The following SATB2 variants were observed in gnomAD, a reference collection of about 807,000 sequenced individuals.
The protein encoded by SATB2 is SATB homeobox 2.
SATB2 carries 1 observed loss-of-function variant against 73.4 expected under a neutral mutation model. That is an observed-to-expected ratio of 0.01 (90% confidence interval 0.00 to 0.06). SATB2 has a LOEUF of 0.06. SATB2 is among the 10% of genes least tolerant of loss of function. The probability of loss-of-function intolerance (pLI) is 1.00; values close to 1 mark genes in which losing one functional copy is unlikely to be tolerated. For synonymous variants in SATB2, 397 were observed against 367.0 expected (o/e 1.08, Z -0.93); for missense variants, 459 against 945.8 (o/e 0.49, Z 6.75).
intron 2 of SATB2, among the ~76,000 whole-genome samples, chr2:199,440,425 T>C (rs1310790771): frequency 6.6e-6 from 1 of 152,232 alleles, no homozygotes; most frequent in Non-Finnish European, 1.5e-5. Context: ...AGTGTTCTCC[T>C]TAATCTCCTC....
intron 9 of SATB2, among the ~76,000 whole-genome samples, chr2:199,313,729 G>T (rs1687655787): frequency 1.3e-5 from 2 of 152,132 alleles, no homozygotes; most frequent in African/African-American, 2.4e-5. Context: ...ATTCTTTCTG[G>T]AAGATGAATA....
intron 3 of SATB2, among the ~76,000 whole-genome samples, chr2:199,389,356 G>T (rs973066077): frequency 1.3e-5 from 2 of 151,738 alleles, no homozygotes; most frequent in Admixed American, 1.3e-4. Flanking sequence ...TTGCATTGGG[G>T]TAAAAGTAAG....
At chr2:199,458,507 G>T (rs1293964890), upstream of SATB2, 1 of 377,000 alleles carries the variant, frequency 2.7e-6, no homozygotes, top group Admixed American at 3.2e-5. Flanking sequence ...GGCGCAGGCG[G>T]GCACCGGGGC....
rs2105704802 is a variant in SATB2 at position 199,271,483 on chromosome 2, T to C, written c.*728A>G. 6.6e-6 allele frequency: 1 copy of C among 152,330 alleles called. No homozygotes were observed. Among genetic ancestry groups the C allele is most frequent in the South Asian group, 2.1e-4 (1 of 4,804 alleles). The allele number at this position is 152,330 out of a possible 1,614,324, so 9.4% of individuals were successfully genotyped here. ...TGTTTTCACTTCACTTTTTTTTTTTTCGGCAGTGTCGTTTATTTTGTTAAA... is the reference window on the plus strand; with the variant it reads ...TGTTTTCACTTCACTTTTTTTTTTTCCGGCAGTGTCGTTTATTTTGTTAAA... On this transcript the variant is annotated 3_prime_UTR_variant, in exon 11 of 11. Transcript: ENST00000417098.
At chr2:199,297,767 AG>A (rs1400027163) in intron 10 of SATB2, among the ~76,000 whole-genome samples, 1 of 150,588 alleles carries the variant, frequency 6.6e-6, no homozygotes, top group African/African-American at 2.4e-5. Context: ...GATGATACAG[AG>A]GCTGAAGTAG....
intron 10 of SATB2, among the ~76,000 whole-genome samples, chr2:199,289,893 G>A (rs1231881783): frequency 6.6e-6 from 1 of 152,146 alleles, no homozygotes; most frequent in Non-Finnish European, 1.5e-5. Flanking sequence ...TCCCATTGCT[G>A]TAATTCAGAC....
intron 10 of SATB2, among the ~76,000 whole-genome samples, chr2:199,304,492 G>A (rs959763367): frequency 6.6e-6 from 1 of 152,056 alleles, no homozygotes; most frequent in African/African-American, 2.4e-5. Flanking sequence ...GAAGGTTTTT[G>A]GGGCATTTTT....
chr2:199,296,823 T>C (rs1391059995), intron 10 of SATB2, among the ~76,000 whole-genome samples: 5 of 152,210 alleles, frequency 3.3e-5, no homozygotes, highest in African/African-American at 1.2e-4. Context: ...CCCTTTTCTT[T>C]ACCATGTCAT....
At chr2:199,381,860 A>G in intron 3 of SATB2, 40 bp from the exon 4 acceptor site, 1 of 1,608,628 alleles carries the variant, frequency 6.2e-7, no homozygotes, top group Non-Finnish European at 8.5e-7. Flanking sequence ...CATATCTGCT[A>G]TTTATTAAAC....
chr2:199,368,761 G>C, intron 5 of SATB2, 54 bp from the exon 6 acceptor site: 1 of 1,050,448 alleles, frequency 9.5e-7, no homozygotes, highest in Non-Finnish European at 1.5e-6. Context: ...TCTTTTTAGG[G>C]ACAAGAAAGA....
chr2:199,334,453 AT>A (rs1414365348), intron 7 of SATB2, among the ~76,000 whole-genome samples: 2 of 152,082 alleles, frequency 1.3e-5, no homozygotes, highest in Non-Finnish European at 2.9e-5. Context: ...ACATCCTCCC[AT>A]TTTACAGATT....
intron 6 of SATB2, among the ~76,000 whole-genome samples, chr2:199,368,249 C>T (rs537490878): frequency 6.6e-6 from 1 of 152,192 alleles, no homozygotes; most frequent in African/African-American, 2.4e-5. Context: ...CCATTTCTGA[C>T]CAAAGACATC....
At chr2:199,384,150 G>A (rs1689860314) in intron 3 of SATB2, among the ~76,000 whole-genome samples, 1 of 152,162 alleles carries the variant, frequency 6.6e-6, no homozygotes, top group African/African-American at 2.4e-5. Flanking sequence ...CCACCTTGAT[G>A]AGCCGGAAGA....
chr2:199,349,233 T>G, intron 6 of SATB2, 60 bp from the exon 7 acceptor site: 2 of 1,269,424 alleles, frequency 1.6e-6, no homozygotes, highest in South Asian at 1.3e-5. Context: ...TTATTGCTAA[T>G]ATATGTAGAA....
chr2:199,323,678 C>T (rs1574505894), intron 9 of SATB2, 125 bp downstream of exon 9: 2 of 1,095,250 alleles, frequency 1.8e-6, no homozygotes, highest in Non-Finnish European at 2.7e-6. Context: ...AAAGGCAGAA[C>T]ATGACAGGTT....
rs1559153820 is a variant in SATB2 at position 199,308,589 on chromosome 2, T to TGCACACACACACACAC, written c.1740+170_1740+171insGTGTGTGTGTGTGTGC. Among the ~76,000 whole-genome samples, 3 of 150,724 alleles carry TGCACACACACACACAC rather than the reference T, an allele frequency of 2.0e-5. No homozygotes were observed. The highest frequency in any genetic ancestry group is 6.6e-5 in the Admixed American group (1 of 15,152). On this transcript the variant is annotated intron_variant, in intron 10 of 10. Transcript: ENST00000417098. The surrounding 1 kb of genome is among the most constrained non-coding windows in gnomAD (Gnocchi z 4.6). The stretch of plus-strand genomic sequence containing the variant: ...GCACGCACATGCACACACACACACA[T>TGCACACACACACACAC]ACACATACACACAGTACCCACTGTG...
Position 199,291,939 on chromosome 2 carries a change from A to G in SATB2, c.1740+16821T>C, listed in dbSNP as rs563160587. Among the ~76,000 whole-genome samples the G allele has an allele frequency of 6.0e-4, 91 of 152,176 alleles. 1 individual carries two copies. The highest frequency in any genetic ancestry group is 1.1e-3 in the Non-Finnish European group (73 of 67,986). On this transcript the variant is annotated intron_variant, in intron 10 of 10. Transcript: ENST00000417098. ...AAAAAAATAAATAAAAATAAAAACA[A>G]AAACAAACAAACAAAAACCACTTGA...
chr2:199,465,716 A>G (rs1394931119), upstream of SATB2, among the ~76,000 whole-genome samples: 3 of 152,224 alleles, frequency 2.0e-5, no homozygotes, highest in Middle Eastern at 3.2e-3. Flanking sequence ...CCATAGTGAT[A>G]TATACTTTTT....
chr2:199,371,020 T>C (rs936418722), intron 5 of SATB2, among the ~76,000 whole-genome samples: 2 of 152,016 alleles, frequency 1.3e-5, no homozygotes, highest in African/African-American at 4.8e-5. Flanking sequence ...AAAGTCTGTT[T>C]GAGTTTATGA....
Sources: gnomAD v4.1 joint callset for allele counts (sites outside exome capture counted in the v4.1 genomes callset) on GRCh38, gnomAD v4.1.1 for gene constraint, Gnocchi (gnomAD v3.1) non-coding constraint, MANE v1.5 for transcripts, NCBI Gene and HGNC (gene_info 2026-07-23, HGNC 2026-07-21) for gene names.